The following SRGAP3 variants were observed in gnomAD, a reference collection of about 807,000 sequenced individuals.
SRGAP3 encodes the protein SLIT-ROBO Rho GTPase activating protein 3.
In SRGAP3, 39 loss-of-function variants were observed where a neutral mutation model predicts 121.1. The ratio of observed to expected loss-of-function variants is 0.32; its 90% CI spans 0.25 to 0.42. SRGAP3 has a LOEUF of 0.42. Among genes scored for constraint, SRGAP3 ranks in the 10% least tolerant of loss-of-function variants. The pLI, the probability that SRGAP3 is intolerant of heterozygous loss-of-function variation, is 1.00. For missense variants in SRGAP3, 1,213 were observed against 1,470.6 expected (o/e 0.82, Z 2.86); for synonymous variants, 601 against 570.0 (o/e 1.05, Z -0.77).
At chr3:9,237,824 C>T (rs139948710) in intron 1 of SRGAP3, among the ~76,000 whole-genome samples, 2 of 152,312 alleles carry the variant, frequency 1.3e-5, no homozygotes, top group African/African-American at 2.4e-5. Context: ...TGAGATGCTA[C>T]TGAAGGGTTT....
At chr3:9,105,767 G>C (rs951676579) in intron 2 of SRGAP3, among the ~76,000 whole-genome samples, 2 of 152,190 alleles carry the variant, frequency 1.3e-5, no homozygotes, top group African/African-American at 4.8e-5. Context: ...CTCTGCAGAT[G>C]CTCCTCAACT....
intron 1 of SRGAP3, among the ~76,000 whole-genome samples, chr3:9,196,807 A>G (rs942098135): frequency 6.6e-6 from 1 of 152,230 alleles, no homozygotes; most frequent in African/African-American, 2.4e-5. Context: ...TCTTATTTTA[A>G]GATAGCAAAG....
At chr3:9,076,342 AAG>A (rs1256633651) in intron 4 of SRGAP3, among the ~76,000 whole-genome samples, 2 of 152,198 alleles carry the variant, frequency 1.3e-5, no homozygotes, top group Non-Finnish European at 2.9e-5. Context: ...GTAAAAATGT[AAG>A]AGTGTTAATT....
At chr3:8,997,225 C>G (rs1369645248) in intron 18 of SRGAP3, among the ~76,000 whole-genome samples, 3 of 152,180 alleles carry the variant, frequency 2.0e-5, no homozygotes, top group Non-Finnish European at 4.4e-5. Flanking sequence ...ACTTCATTCC[C>G]TCATCTTCCC....
chr3:9,236,345 A>G (rs1953408361), intron 1 of SRGAP3: 2 of 161,978 alleles, frequency 1.2e-5, no homozygotes, highest in Admixed American at 1.3e-4. Context: ...TACTTACTAC[A>G]CTGTGTCATA....
chr3:9,256,994 G>T, intron 3 of SRGAP3: 1 of 396,620 alleles, frequency 2.5e-6, no homozygotes. Flanking sequence ...TTGTTAGCTG[G>T]CACCCAGTAA....
At chr3:9,301,403 G>T (rs575299542) in intron 3 of SRGAP3, among the ~76,000 whole-genome samples, 1 of 152,222 alleles carries the variant, frequency 6.6e-6, no homozygotes, top group African/African-American at 2.4e-5. Context: ...AGAGGGGAAG[G>T]TGGCCCTTAA....
chr3:9,012,072 G>C (rs962995654), intron 17 of SRGAP3, among the ~76,000 whole-genome samples: 12 of 152,222 alleles, frequency 7.9e-5, no homozygotes, highest in Non-Finnish European at 1.3e-4. Context: ...TTACAGAACA[G>C]GGATGGACTT....
chr3:9,124,924 G>A lies in SRGAP3; in HGVS notation c.68-7C>T, dbSNP rs769589892. On this transcript the variant is annotated splice_polypyrimidine_tract_variant and splice_region_variant and intron_variant, in intron 1 of 21. Coordinates refer to ENST00000383836, the MANE Select transcript of SRGAP3 (RefSeq NM_014850.4). ...ACCAGCTGCGTGCGGATCTCTGCGGGCACACAAGGGTAGGAGCATGAGACT... is the reference window on the plus strand; with the variant it reads ...ACCAGCTGCGTGCGGATCTCTGCGGACACACAAGGGTAGGAGCATGAGACT... 6.2e-7 allele frequency: 1 copy of A among 1,613,936 alleles called. No individual in the cohort carries two copies. Among genetic ancestry groups the A allele is most frequent in the Non-Finnish European group, 8.5e-7 (1 of 1,180,032 alleles).
chr3:9,294,812 C>G (rs1234781416), intron 3 of SRGAP3, among the ~76,000 whole-genome samples: 1 of 151,502 alleles, frequency 6.6e-6, no homozygotes, highest in South Asian at 2.1e-4. Context: ...GACTATTACA[C>G]AGTAATCTCT....
intron 11 of SRGAP3, chr3:9,037,814 C>T: frequency 1.7e-6 from 1 of 585,952 alleles, no homozygotes; most frequent in South Asian, 2.0e-5. Context: ...GGAGGGTGCC[C>T]CACTGCCACA....
At chr3:9,136,133 TTCCC>T (rs2125017986) in intron 1 of SRGAP3, among the ~76,000 whole-genome samples, 1 of 152,284 alleles carries the variant, frequency 6.6e-6, no homozygotes, top group African/African-American at 2.4e-5. Context: ...TCTGTGCTGG[TTCCC>T]CTTCCCCGCC....
chr3:9,014,223 G>A (rs748725301), intron 15 of SRGAP3: 3 of 317,870 alleles, frequency 9.4e-6, no homozygotes, highest in Non-Finnish European at 1.8e-5. Flanking sequence ...TGCTGATGCC[G>A]TGTGAAGGTC....
chr3:9,268,373 C>T (rs745645182), intron 3 of SRGAP3, among the ~76,000 whole-genome samples: 1 of 151,896 alleles, frequency 6.6e-6, no homozygotes, highest in Non-Finnish European at 1.5e-5. Flanking sequence ...TATGAGGACA[C>T]AGTAAGGAGG....
intron 1 of SRGAP3, among the ~76,000 whole-genome samples, chr3:9,225,122 A>G (rs1952943191): frequency 6.6e-6 from 1 of 152,184 alleles, no homozygotes; most frequent in Admixed American, 6.6e-5. Context: ...GTCTCTCACC[A>G]GCAGATGACA....
intron 8 of SRGAP3, among the ~76,000 whole-genome samples, chr3:9,055,813 T>C (rs1945792272): frequency 6.6e-6 from 1 of 152,222 alleles, no homozygotes; most frequent in African/African-American, 2.4e-5. Context: ...TTTCTATGCC[T>C]AGGAATATAC....
At chr3:9,252,042 G>T (rs1954029543), upstream of SRGAP3, among the ~76,000 whole-genome samples, 1 of 152,118 alleles carries the variant, frequency 6.6e-6, no homozygotes, top group Admixed American at 6.5e-5. Context: ...GTTGGAGGTG[G>T]GATCTGGTGG....
chr3:9,057,098 C>T (rs958572011), intron 7 of SRGAP3, among the ~76,000 whole-genome samples: 3 of 152,000 alleles, frequency 2.0e-5, no homozygotes, highest in South Asian at 2.1e-4. Context: ...TTGTTGTTGT[C>T]GTTGTTTTTT....
chr3:9,197,632 A>G (rs977246519), intron 1 of SRGAP3, among the ~76,000 whole-genome samples: 4 of 152,218 alleles, frequency 2.6e-5, no homozygotes, highest in African/African-American at 9.7e-5. Flanking sequence ...AAGACCATGT[A>G]ACTTGTCTAT....
Sources: allele counts gnomAD v4.1 joint callset (sites outside exome capture counted in the v4.1 genomes callset), GRCh38; gene constraint gnomAD v4.1.1; transcripts MANE v1.5; gene names NCBI Gene and HGNC (gene_info 2026-07-23, HGNC 2026-07-21).